MXRA5: variants seen among roughly 807,000 people sequenced by gnomAD.
MXRA5 encodes the protein matrix-remodeling-associated protein 5.
In MXRA5, 41 loss-of-function variants were observed where a neutral mutation model predicts 112.5. The observed-to-expected ratio is 0.36, with a 90% CI of 0.28 to 0.47. MXRA5 has a LOEUF of 0.47. Among genes scored for constraint, MXRA5 ranks in the 20% least tolerant of loss-of-function variants. MXRA5 has a pLI of 0.99. For missense variants in MXRA5, 2,150 were observed against 2,251.0 expected (o/e 0.96, Z 0.91); for synonymous variants, 862 against 900.8 (o/e 0.96, Z 0.77).
chrX:3,329,729 C>A (rs985090891), intron 4 of MXRA5, among the ~76,000 whole-genome samples: 3 of 111,704 alleles, frequency 2.7e-5, no homozygotes, highest in Non-Finnish European at 5.6e-5. Context: ...CTGGCATGAT[C>A]CTCCAGATAC....
chrX:3,315,340 A>AGTT (rs1921069351), intron 6 of MXRA5, among the ~76,000 whole-genome samples: 1 of 48,980 alleles, frequency 2.0e-5, no homozygotes, highest in African/African-American at 9.5e-5. Flanking sequence ...AGATATAGAT[A>AGTT]GATAGATGAT....
chrX:3,335,069 C>CATT (rs1455361782), intron 2 of MXRA5, among the ~76,000 whole-genome samples: 1 of 111,997 alleles, frequency 8.9e-6, no homozygotes, highest in Non-Finnish European at 1.9e-5. Context: ...ATAATGGGGA[C>CATT]ATTATTGTTG....
At chrX:3,319,715 A>G (rs1349217970) in intron 5 of MXRA5, among the ~76,000 whole-genome samples, 1 of 111,441 alleles carries the variant, frequency 9.0e-6, no homozygotes, top group African/African-American at 3.3e-5. Context: ...TACCTATTGG[A>G]TGCTACGCTG....
At chrX:3,339,111 G>A (rs942533045) in intron 2 of MXRA5, among the ~76,000 whole-genome samples, 1 of 110,883 alleles carries the variant, frequency 9.0e-6, no homozygotes, top group African/African-American at 3.3e-5. Context: ...GGGAAAATAG[G>A]AACAAAGGAT....
At position 3,320,627 on chromosome X, in the gene MXRA5, C is replaced by G; in HGVS notation, c.5058G>C (p.Lys1686Asn). The G allele has an allele frequency of 8.3e-7, 1 of 1,211,793 alleles. No individual in the cohort carries two copies. Among genetic ancestry groups the G allele is most frequent in the Non-Finnish European group, 1.1e-6 (1 of 895,397 alleles). ...LHMSKPSIPSKFTDRRTDQFN... is the reference protein window; with the variant it reads ...LHMSKPSIPSNFTDRRTDQFN... ...ATTGGTCAGTTCTTCGGTCAGTAAA[C>G]TTACTAGGAATGCTGGGTTTGGACA... Residue 1686 changes from lysine (K) to asparagine (N), a missense_variant, in exon 5 of 7, where the codon AAG (lysine) becomes AAC (asparagine). Physicochemically the swap from Lys to Asn is moderately conservative, Grantham distance 94. Transcript: ENST00000217939.
chrX:3,342,545 T>C (rs1448663400), intron 2 of MXRA5, among the ~76,000 whole-genome samples: 1 of 112,236 alleles, frequency 8.9e-6, no homozygotes, highest in African/African-American at 3.2e-5. Flanking sequence ...CTATCATTGT[T>C]GTGGTTGGAT....
intron 6 of MXRA5, among the ~76,000 whole-genome samples, chrX:3,313,575 TA>T (rs2146915399): frequency 8.9e-6 from 1 of 112,884 alleles, no homozygotes; most frequent in Non-Finnish European, 1.9e-5. Context: ...TTTGTATTTT[TA>T]AATAGCAGGG....
rs3813167 is a variant in MXRA5 at position 3,321,938 on chromosome X, G to A, written c.3747C>T (p.Ser1249=). The A allele has an allele frequency of 0.1, 124,544 of 1,208,148 alleles. 7,380 individuals carry two copies. The highest frequency in any genetic ancestry group is 0.37 in the African/African-American group (20,918 of 56,476). ...TGGGCTTGGATCCGGACGCTCTTGAGCTCACTGTAGAAGGGGTATATCGAT... is the reference window on the plus strand; with the variant it reads ...TGGGCTTGGATCCGGACGCTCTTGAACTCACTGTAGAAGGGGTATATCGAT... ...NKHRYTPSTV[S]SRASGSKPSP... is the part of the protein sequence containing the mutation. The change falls in exon 5 of 7, where the codon AGC becomes AGT. Residue 1249 remains serine (S), a synonymous_variant. Transcript: ENST00000217939.
Position 3,320,271 on chromosome X carries a change from T to G in MXRA5, c.5414A>C (p.Asn1805Thr). ...TTGSPSTNLQ[N>T]IPMVSSTQSS... ...CTGGGTGGAAGAGACCATAGGGATA[T>G]TCTGTAAGTTAGTTGAGGGTGATCC... The change falls in exon 5 of 7, where the codon AAT (asparagine) becomes ACT (threonine). Residue 1805 changes from asparagine to threonine, a missense_variant. Physicochemically the swap from Asn to Thr is moderately conservative, Grantham distance 65. Coordinates refer to ENST00000217939, the MANE Select transcript of MXRA5 (RefSeq NM_015419.4). The G allele has an allele frequency of 8.3e-7, 1 of 1,211,276 alleles. No individual in the cohort carries two copies. Among genetic ancestry groups the G allele is most frequent in the South Asian group, 1.8e-5 (1 of 56,884 alleles).
Position 3,308,945 on chromosome X carries a change from G to A in MXRA5, c.*771C>T, listed in dbSNP as rs1181950050. The stretch of plus-strand genomic sequence containing the variant: ...GACTGAATTTGAAGGAGGTTGGAGA[G>A]AAATTTTTTAAAATTATATTTCCAT... On this transcript the variant is annotated 3_prime_UTR_variant, in exon 7 of 7. Coordinates refer to ENST00000217939, the MANE Select transcript of MXRA5 (RefSeq NM_015419.4). 9.0e-6 allele frequency: 1 copy of A among 111,586 alleles called. No homozygotes were observed. Among genetic ancestry groups the A allele is most frequent in the Non-Finnish European group, 1.9e-5 (1 of 53,172 alleles). 9.2% of individuals were successfully genotyped at this position (111,586 alleles called of 1,213,427 possible).
At chrX:3,331,447 C>T (rs770091124) in intron 2 of MXRA5, among the ~76,000 whole-genome samples, 3 of 111,945 alleles carry the variant, frequency 2.7e-5, no homozygotes, top group South Asian at 7.5e-4. Flanking sequence ...TTCTTGGAAA[C>T]TCTGTGCTGA....
Position 3,322,196 on chromosome X carries a change from G to C in MXRA5, c.3489C>G (p.Arg1163=), listed in dbSNP as rs750711671. ...TGGGTGGGGTTTGCTTGTGCCGGTGGCGGAATTTGTTGGGGCGTAATCTCC... is the reference window on the plus strand; with the variant it reads ...TGGGTGGGGTTTGCTTGTGCCGGTGCCGGAATTTGTTGGGGCGTAATCTCC... ...GRRRLRPNKF[R]HRHKQTPPTT... The change falls in exon 5 of 7, where the codon CGC becomes CGG. Residue 1163 remains arginine (R), a synonymous_variant. Transcript: ENST00000217939. The C allele has an allele frequency of 3.9e-5, 46 of 1,188,557 alleles. No homozygotes were observed. Among genetic ancestry groups the C allele is most frequent in the Non-Finnish European group, 4.8e-5 (42 of 884,163 alleles).
At chrX:3,333,847 A>T (rs1223368956) in intron 2 of MXRA5, among the ~76,000 whole-genome samples, 1 of 111,925 alleles carries the variant, frequency 8.9e-6, no homozygotes, top group East Asian at 2.8e-4. Flanking sequence ...ATTTTTTCCA[A>T]TCATGAGCTC....
intron 4 of MXRA5, 22 bp downstream of exon 4, chrX:3,329,996 G>A: frequency 8.4e-7 from 1 of 1,197,560 alleles, no homozygotes; most frequent in Non-Finnish European, 1.1e-6. Flanking sequence ...GCTAGGAGTG[G>A]TCTGCTCTCC....
rs1203808130 is a variant in MXRA5 at position 3,323,530 on chromosome X, C to T, written c.2155G>A (p.Asp719Asn). ...TTTGTTTTGAGGAACACCTCTTGGTCCTTTGGATGCAGAAGTCTCCTTGAA... is the reference window on the plus strand; with the variant it reads ...TTTGTTTTGAGGAACACCTCTTGGTTCTTTGGATGCAGAAGTCTCCTTGAA... ...NTSRRLLHPK[D>N]QEVFLKTKDD... The change falls in exon 5 of 7, where the codon GAC becomes AAC. Residue 719 changes from aspartate to asparagine, a missense_variant. By Grantham distance (23) the Asp-to-Asn change is conservative. Transcript: ENST00000217939. 1 of 1,211,289 alleles carries T rather than the reference C, an allele frequency of 8.3e-7. No homozygotes were observed.
intron 4 of MXRA5, among the ~76,000 whole-genome samples, chrX:3,326,939 A>T (rs1427947739): frequency 8.9e-6 from 1 of 111,772 alleles, no homozygotes; most frequent in Non-Finnish European, 1.9e-5. Flanking sequence ...CCTCTTTGAC[A>T]TGTCTATTTA....
Position 3,311,072 on chromosome X carries a change from C to T in MXRA5, c.7131G>A (p.Lys2377=), listed in dbSNP as rs775305754. The T allele has an allele frequency of 1.7e-6, 2 of 1,209,459 alleles. No individual in the cohort carries two copies. Among genetic ancestry groups the T allele is most frequent in the East Asian group, 3.0e-5 (1 of 33,719 alleles). Residue 2377 remains lysine, a synonymous_variant, in exon 7 of 7, where the codon AAG becomes AAA. Transcript: ENST00000217939. ...TGTTGGTTGGGGACAACCAAGTCAC[C>T]TTGGGCATGGGTTCTCCTTTGGCCT... ...ACEAKGEPMP[K]VTWLSPTNKV... is the part of the protein sequence containing the mutation.
Position 3,324,162 on chromosome X carries a change from C to A in MXRA5, c.1523G>T (p.Ser508Ile). 1.7e-6 allele frequency: 2 copies of A among 1,211,551 alleles called. No individual in the cohort carries two copies. The highest frequency in any genetic ancestry group is 2.2e-6 in the Non-Finnish European group (2 of 895,513). ...QLSCNVKASE[S>I]PSIFWVLPDG... ...TGGAAGCACCCAGAAGATAGATGGA[C>A]TCTCAGAAGCTTTCACGTTGCAGCT... Residue 508 changes from serine (S) to isoleucine (I), a missense_variant, in exon 5 of 7, where the codon AGT becomes ATT. Around this residue, in one of 6 missense-constraint regions of MXRA5, gnomAD observed 386 missense variants for 411.0 expected, o/e 0.94. Coordinates refer to ENST00000217939, the MANE Select transcript of MXRA5 (RefSeq NM_015419.4).
chrX:3,341,377 AT>A (rs1921955190), intron 2 of MXRA5, among the ~76,000 whole-genome samples: 2 of 31,751 alleles, frequency 6.3e-5, no homozygotes, highest in African/African-American at 1.5e-4. Context: ...AATATATATT[AT>A]TATTATATAT....
Sources: allele counts gnomAD v4.1 joint callset (sites outside exome capture counted in the v4.1 genomes callset), GRCh38; gene constraint gnomAD v4.1.1; regional missense constraint gnomAD v4.1.1; transcripts MANE v1.5; gene names NCBI Gene and HGNC (gene_info 2026-07-23, HGNC 2026-07-21).